Variants in SPATA12 observed in about 807,000 individuals in gnomAD.
SPATA12 encodes the protein spermatogenesis associated 12, also known as spermatogenesis-associated protein 12.
For missense variants in SPATA12, 219 were observed against 226.4 expected (o/e 0.97, Z 0.21); for synonymous variants, 85 against 89.2 (o/e 0.95, Z 0.26).
At chr3:57,072,161 A>G (rs1233733610) in intron 1 of SPATA12, among the ~76,000 whole-genome samples, 1 of 152,220 alleles carries the variant, frequency 6.6e-6, no homozygotes, top group Non-Finnish European at 1.5e-5. Flanking sequence ...ACCCTCGTGC[A>G]CTGCTGGTGG....
rs938490003 is a variant in SPATA12 at position 57,074,357 on chromosome 3, C to T, written c.*90C>T. The T allele has an allele frequency of 1.7e-6, 2 of 1,169,014 alleles. No homozygotes were observed. Among genetic ancestry groups the T allele is most frequent in the South Asian group, 1.4e-5 (1 of 69,636 alleles). 72.4% of individuals were successfully genotyped at this position (1,169,014 alleles called of 1,614,324 possible). On this transcript the variant is annotated 3_prime_UTR_variant, in exon 2 of 2. Transcript: ENST00000334325. ...TGCCCTCCCTTCCATCCCCCACCCC[C>T]ACCAGGGGTGACTCGTAGCCATCCC...
At chr3:57,067,458 A>AATAATG (rs1705611483) in intron 1 of SPATA12, among the ~76,000 whole-genome samples, 1 of 104,210 alleles carries the variant, frequency 9.6e-6, no homozygotes, top group African/African-American at 3.2e-5. Context: ...GTCTCAAAAT[A>AATAATG]ATAATAATAA....
chr3:57,069,201 G>A (rs779274222), intron 1 of SPATA12, among the ~76,000 whole-genome samples: 7 of 152,092 alleles, frequency 4.6e-5, no homozygotes, highest in Non-Finnish European at 8.8e-5. Flanking sequence ...GATTACAGGC[G>A]TGAGCCACCA....
intron 1 of SPATA12, among the ~76,000 whole-genome samples, chr3:57,061,421 C>T (rs1315147618): frequency 6.6e-6 from 1 of 152,160 alleles, no homozygotes; most frequent in South Asian, 2.1e-4. Context: ...TCTTGGCCTC[C>T]CAAAGTGCCA....
rs535778566 is a variant in SPATA12, at chr3:57,062,333, C to T, written c.-330+1547C>T. On this transcript the variant is annotated intron_variant, in intron 1 of 1. Coordinates refer to ENST00000334325, the MANE Select transcript of SPATA12 (RefSeq NM_181727.2). The stretch of plus-strand genomic sequence containing the variant: ...GACCCTGAGGAAGCCCACAGCCTGG[C>T]AAGGGTGGCTTGTGTCTAGCTCCAG... Among the ~76,000 whole-genome samples, 16 of 152,270 alleles carry T rather than the reference C, an allele frequency of 1.1e-4. No homozygotes were observed. In the East Asian group the frequency reaches 3.1e-3, roughly 29 times the overall value.
chr3:57,071,309 A>C (rs893715059), intron 1 of SPATA12, among the ~76,000 whole-genome samples: 2 of 152,148 alleles, frequency 1.3e-5, no homozygotes, highest in African/African-American at 4.8e-5. Context: ...CAAACATCAA[A>C]TCAAAACAGA....
chr3:57,068,399 C>T (rs1216281065), intron 1 of SPATA12, among the ~76,000 whole-genome samples: 1 of 152,176 alleles, frequency 6.6e-6, no homozygotes, highest in Non-Finnish European at 1.5e-5. Flanking sequence ...TCAATGCTGC[C>T]ACTCACTGCA....
chr3:57,069,778 G>C (rs1705781186), intron 1 of SPATA12, among the ~76,000 whole-genome samples: 1 of 152,204 alleles, frequency 6.6e-6, no homozygotes, highest in East Asian at 1.9e-4. Context: ...CCAAGTATGT[G>C]GGACTACAGA....
intron 1 of SPATA12, among the ~76,000 whole-genome samples, chr3:57,061,585 C>G (rs773119601): frequency 2.0e-5 from 3 of 152,154 alleles, no homozygotes; most frequent in Admixed American, 6.5e-5. Context: ...TTGTGAATAA[C>G]GCTGCTGGGA....
intron 1 of SPATA12, among the ~76,000 whole-genome samples, chr3:57,071,903 G>T (rs1444196764): frequency 6.6e-6 from 1 of 151,986 alleles, no homozygotes; most frequent in Non-Finnish European, 1.5e-5. Flanking sequence ...AATATATAAA[G>T]AACACTTACA....
At chr3:57,062,198 T>G (rs1705258401) in intron 1 of SPATA12, among the ~76,000 whole-genome samples, 1 of 152,082 alleles carries the variant, frequency 6.6e-6, no homozygotes, top group African/African-American at 2.4e-5. Context: ...CCAAAGGCAA[T>G]GTGCCCAACC....
chr3:57,065,784 TCATTACGG>T (rs1705493010), intron 1 of SPATA12, among the ~76,000 whole-genome samples: 1 of 152,158 alleles, frequency 6.6e-6, no homozygotes. Context: ...AAGGTCATCC[TCATTACGG>T]CTGAGTCACA....
chr3:57,072,726 CAAAAAAAAA>C, intron 1 of SPATA12, among the ~76,000 whole-genome samples: 1 of 112,162 alleles, frequency 8.9e-6, no homozygotes, highest in South Asian at 3.0e-4. Flanking sequence ...GAGACTCTGT[CAAAAAAAAA>C]AAAAAAAAGA....
chr3:57,073,062 A>C (rs1245160432), intron 1 of SPATA12, among the ~76,000 whole-genome samples: 1 of 152,136 alleles, frequency 6.6e-6, no homozygotes, highest in East Asian at 1.9e-4. Context: ...AATAAATAAA[A>C]GAAAAAACAT....
intron 1 of SPATA12, among the ~76,000 whole-genome samples, chr3:57,064,912 T>G (rs1307276566): frequency 6.6e-6 from 1 of 152,206 alleles, no homozygotes; most frequent in East Asian, 1.9e-4. Flanking sequence ...TTAAAAATAG[T>G]CAACACAGTA....
intron 1 of SPATA12, among the ~76,000 whole-genome samples, chr3:57,061,511 T>C (rs939975793): frequency 6.6e-6 from 1 of 152,208 alleles, no homozygotes; most frequent in Non-Finnish European, 1.5e-5. Flanking sequence ...TGTATGTACA[T>C]ACCACATTTT....
chr3:57,061,618 T>C (rs1490838056), intron 1 of SPATA12, among the ~76,000 whole-genome samples: 1 of 152,238 alleles, frequency 6.6e-6, no homozygotes, highest in African/African-American at 2.4e-5. Context: ...AAGTATCTGT[T>C]TGGATCTCTG....
At chr3:57,069,368 G>A (rs965689369) in intron 1 of SPATA12, among the ~76,000 whole-genome samples, 1 of 120,172 alleles carries the variant, frequency 8.3e-6, no homozygotes, top group Non-Finnish European at 1.7e-5. Context: ...TCTAATCTCT[G>A]TCTCTCAAAC....
At chr3:57,062,807 A>C (rs1338517910) in intron 1 of SPATA12, among the ~76,000 whole-genome samples, 1 of 152,156 alleles carries the variant, frequency 6.6e-6, no homozygotes, top group Non-Finnish European at 1.5e-5. Flanking sequence ...TAATAGAAGA[A>C]TCAAATGGCT....
Sources: gnomAD v4.1 joint callset for allele counts (sites outside exome capture counted in the v4.1 genomes callset) on GRCh38, gnomAD v4.1.1 for gene constraint, MANE v1.5 for transcripts, NCBI Gene and HGNC (gene_info 2026-07-23, HGNC 2026-07-21) for gene names.